The following ZC3H4 variants were observed in gnomAD, a reference collection of about 807,000 sequenced individuals.
ZC3H4 encodes zinc finger CCCH domain-containing protein 4.
ZC3H4 carries 13 observed loss-of-function variants against 108.3 expected under a neutral mutation model. The ratio of observed to expected loss-of-function variants is 0.12; its 90% CI spans 0.08 to 0.19. The LOEUF (loss-of-function observed/expected upper bound fraction) is 0.19. Ranked by LOEUF, ZC3H4 falls within the 10% of genes least tolerant of loss-of-function variation. ZC3H4 has a pLI of 1.00. For synonymous variants in ZC3H4, 917 were observed against 749.6 expected (o/e 1.22, Z -3.65); for missense variants, 1,734 against 1,838.8 (o/e 0.94, Z 1.04).
At chr19:47,105,762 A>G (rs1024244825) in intron 2 of ZC3H4, among the ~76,000 whole-genome samples, 5 of 152,146 alleles carry the variant, frequency 3.3e-5, no homozygotes, top group South Asian at 2.1e-4. Context: ...CTCCCAAACA[A>G]AAGTTTCCAG....
Position 47,092,847 on chromosome 19 carries a change from T to TAAAC in ZC3H4, c.492+1119_492+1122dup, listed in dbSNP as rs541273381. On this transcript the variant is annotated intron_variant, in intron 4 of 14. Coordinates refer to ENST00000253048, the MANE Select transcript of ZC3H4 (RefSeq NM_015168.2). ...ATAAATAAATAAATAAATAAATAAA[T>TAAAC]AAACAAACAAGACAAAACATTTCTC... Among the ~76,000 whole-genome samples, 456 of 150,150 alleles carry TAAAC rather than the reference T, an allele frequency of 3.0e-3. 4 individuals are homozygous for TAAAC. Among genetic ancestry groups the TAAAC allele is most frequent in the East Asian group, 0.016 (82 of 5,112 alleles).
At position 47,112,450 on chromosome 19, in the gene ZC3H4, G is replaced by T. The variant is rs897296961; in HGVS notation, c.135C>A (p.His45Gln). 8.1e-7 allele frequency: 1 copy of T among 1,236,066 alleles called. No homozygotes were observed. The allele number at this position is 1,236,066 out of a possible 1,614,324, so 76.6% of individuals were successfully genotyped here. A position where few individuals can be genotyped will look rare whatever the true frequency, so the allele number is the denominator to read the frequency against. Residue 45 changes from histidine (H) to glutamine (Q), a missense_variant, in exon 2 of 15, where the codon CAC (histidine) becomes CAA (glutamine). Physicochemically the swap from His to Gln is conservative, Grantham distance 24. Around this residue, in one of 9 missense-constraint regions of ZC3H4, gnomAD observed 112 missense variants for 73.3 expected, o/e 1.53. Transcript: ENST00000253048. ...TGTCGTCAGGGAGCGGGAGGCGGTG[G>T]TGGAGGAGGTGCGGGGTGGCCGGGC... ...DARPATPHLL[H>Q]HRLPLPDDRE...
chr19:47,090,288 T>G lies in ZC3H4; in HGVS notation c.493-99A>C, dbSNP rs2057709208. ...GGTTCCCTAAACGAACATGTCTGTCTGGGTGTCACTACTGTCCCAGGGTTG... is the reference window on the plus strand; with the variant it reads ...GGTTCCCTAAACGAACATGTCTGTCGGGGTGTCACTACTGTCCCAGGGTTG... On this transcript the variant is annotated intron_variant, in intron 4 of 14. Coordinates refer to ENST00000253048, the MANE Select transcript of ZC3H4 (RefSeq NM_015168.2). The G allele has an allele frequency of 2.3e-6, 3 of 1,308,272 alleles. No homozygotes were observed. In the African/African-American group the frequency reaches 4.3e-5, roughly 19 times the overall value. The allele number at this position is 1,308,272 out of a possible 1,614,324, so 81.0% of individuals were successfully genotyped here. A position where few individuals can be genotyped will look rare whatever the true frequency, so the allele number is the denominator to read the frequency against.
chr19:47,085,650 G>A (rs528363511), intron 6 of ZC3H4, among the ~76,000 whole-genome samples: 4 of 152,172 alleles, frequency 2.6e-5, no homozygotes, highest in Non-Finnish European at 5.9e-5. Context: ...ACACATCACT[G>A]TGGGGCTCTA....
At chr19:47,089,941 G>T in intron 5 of ZC3H4, 26 bp downstream of exon 5, 1 of 1,613,226 alleles carries the variant, frequency 6.2e-7, no homozygotes, top group Non-Finnish European at 8.5e-7. Context: ...ATGCCCCAGA[G>T]GAGAAACTGT....
chr19:47,096,731 C>T (rs2057826955), intron 2 of ZC3H4: 1 of 892,126 alleles, frequency 1.1e-6, no homozygotes, highest in Non-Finnish European at 1.3e-6. Context: ...AGGGATAAAG[C>T]TGAGAGGGAC....
At chr19:47,101,941 G>C (rs1445482286) in intron 2 of ZC3H4, among the ~76,000 whole-genome samples, 1 of 152,104 alleles carries the variant, frequency 6.6e-6, no homozygotes, top group Non-Finnish European at 1.5e-5. Flanking sequence ...GACTGAGGCA[G>C]GAGAATTGCT....
chr19:47,069,990 T>G (rs1289064826), intron 13 of ZC3H4, among the ~76,000 whole-genome samples: 1 of 152,116 alleles, frequency 6.6e-6, no homozygotes, highest in Non-Finnish European at 1.5e-5. Context: ...ACTCCCCCAG[T>G]GCCTGAGCCA....
rs375563795 is a variant in ZC3H4, at chr19:47,067,500, G to C, written c.2768C>G (p.Thr923Arg). The part of the protein sequence containing the change: ...SSSKGSGPPP[T>R]EEEEGERALR... ...GGCCCGCTCCCCTTCCTCCTCCTCC[G>C]TTGGGGGCGGCCCAGACCCCTTGGA... Residue 923 changes from threonine to arginine, a missense_variant, in exon 15 of 15, where the codon ACG becomes AGG. By Grantham distance (71) the Thr-to-Arg change is moderately conservative. This residue lies in a region of ZC3H4 where 540 missense variants were observed against 484.1 expected (regional missense o/e 1.12). Coordinates refer to ENST00000253048, the MANE Select transcript of ZC3H4 (RefSeq NM_015168.2). The surrounding 1 kb of genome is among the most constrained non-coding windows in gnomAD (Gnocchi z 6.4). 1.3e-6 allele frequency: 2 copies of C among 1,585,470 alleles called. No individual in the cohort carries two copies. The highest frequency in any genetic ancestry group is 4.5e-5 in the East Asian group (2 of 44,552).
rs749272920 is a variant in ZC3H4, at chr19:47,067,341, G to A, written c.2927C>T (p.Thr976Ile). The change falls in exon 15 of 15, where the codon ACC becomes ATC. Residue 976 changes from threonine (T) to isoleucine (I), a missense_variant. This residue lies in a region of ZC3H4 where 518 missense variants were observed against 499.6 expected (regional missense o/e 1.04). Transcript: ENST00000253048. This position sits in a 1 kb window ranked among gnomAD's most constrained non-coding sequence, Gnocchi z 6.4. ...VTLSKPSFAR[T>I]VLWNPEDLIP... is the part of the protein sequence containing the mutation. ...CAGGTCCTCGGGATTCCAGAGCACG[G>A]TGCGGGCGAAGCTGGGCTTGCTCAG... 5.0e-6 allele frequency: 8 copies of A among 1,602,822 alleles called. No homozygotes were observed. The highest frequency in any genetic ancestry group is 4.5e-5 in the South Asian group (4 of 89,612).
chr19:47,067,947 C>T lies in ZC3H4; in HGVS notation c.2399-78G>A. On this transcript the variant is annotated intron_variant, in intron 14 of 14. Transcript: ENST00000253048. The surrounding 1 kb of genome is among the most constrained non-coding windows in gnomAD (Gnocchi z 6.4). ...CCCTCTTGGATCCCACAGCAGCCCA[C>T]CGTGAGCAGCTCCTTTGCTTGTGCC... is the stretch of plus-strand genomic sequence containing the variant. 2.2e-6 allele frequency: 3 copies of T among 1,356,376 alleles called. No homozygotes were observed. The highest frequency in any genetic ancestry group is 2.0e-5 in the Admixed American group (1 of 49,528). 84.0% of individuals were successfully genotyped at this position (1,356,376 alleles called of 1,614,324 possible).
At position 47,112,421 on chromosome 19, in the gene ZC3H4, G is replaced by C. The variant is rs1468377590; in HGVS notation, c.161+3C>G. On this transcript the variant is annotated splice_donor_region_variant and intron_variant, in intron 2 of 14. Transcript: ENST00000253048. ...GCAGCCCCGGCCCAACCGGGGGCCTGACCTGTCGTCAGGGAGCGGGAGGCG... is the reference window on the plus strand; with the variant it reads ...GCAGCCCCGGCCCAACCGGGGGCCTCACCTGTCGTCAGGGAGCGGGAGGCG... 1 of 1,235,028 alleles carries C rather than the reference G, an allele frequency of 8.1e-7. No homozygotes were observed. The highest frequency in any genetic ancestry group is 1.0e-6 in the Non-Finnish European group (1 of 987,834). The allele number at this position is 1,235,028 out of a possible 1,614,324, so 76.5% of individuals were successfully genotyped here.
intron 11 of ZC3H4, among the ~76,000 whole-genome samples, chr19:47,075,504 C>T (rs1400842212): frequency 6.6e-6 from 1 of 152,112 alleles, no homozygotes; most frequent in Non-Finnish European, 1.5e-5. Flanking sequence ...CCGCCAGTGT[C>T]ACCTCCTCAC....
chr19:47,084,847 T>C (rs1462518425), intron 8 of ZC3H4, among the ~76,000 whole-genome samples: 1 of 152,216 alleles, frequency 6.6e-6, no homozygotes, highest in Non-Finnish European at 1.5e-5. Flanking sequence ...GTGCTGCTAA[T>C]GACATGGTTT....
chr19:47,067,912 C>T lies in ZC3H4; in HGVS notation c.2399-43G>A. The T allele has an allele frequency of 2.0e-6, 3 of 1,527,956 alleles. No homozygotes were observed. Among genetic ancestry groups the T allele is most frequent in the Non-Finnish European group, 2.6e-6 (3 of 1,136,826 alleles). The allele number at this position is 1,527,956 out of a possible 1,614,324, so 94.6% of individuals were successfully genotyped here. On this transcript the variant is annotated intron_variant, in intron 14 of 14. Coordinates refer to ENST00000253048, the MANE Select transcript of ZC3H4 (RefSeq NM_015168.2). The surrounding 1 kb of genome is among the most constrained non-coding windows in gnomAD (Gnocchi z 6.4). Reference sequence around the variant, plus strand: ...AGCAGGGAGGGGTGAGTGGGCGCATCCACCACCCGCCCTCTTGGATCCCAC... The same window carrying T: ...AGCAGGGAGGGGTGAGTGGGCGCATTCACCACCCGCCCTCTTGGATCCCAC...
In ZC3H4 at chr19:47,083,413, T is replaced by C. The variant is rs145665230; in HGVS notation, c.1218+932A>G. ...ATGTATTTCAAGTTTCTCAACAGAA[T>C]AGAAATTGTAACTAAATAAGAAATA... On this transcript the variant is annotated intron_variant, in intron 9 of 14. Transcript: ENST00000253048. 2.2e-3 allele frequency among the ~76,000 whole-genome samples: 329 copies of C among 151,896 alleles called. 1 individual carries two copies. Among genetic ancestry groups the C allele is most frequent in the African/African-American group, 7.6e-3 (316 of 41,452 alleles).
In ZC3H4 at chr19:47,072,025, G is replaced by A; in HGVS notation, c.1899C>T (p.His633=). 2 of 1,589,822 alleles carry A rather than the reference G, an allele frequency of 1.3e-6. No homozygotes were observed. The highest frequency in any genetic ancestry group is 1.7e-6 in the Non-Finnish European group (2 of 1,167,828). The change falls in exon 13 of 15, where the codon CAC becomes CAT. Residue 633 remains histidine (H), a synonymous_variant. Transcript: ENST00000253048. This position sits in a 1 kb window ranked among gnomAD's most constrained non-coding sequence, Gnocchi z 5.6. Reference sequence around the variant, plus strand: ...GGTGCATGTCCGGGTGCATGTCGGGGTGCATGTCAGGATGCATTGGACCGC... The same window carrying A: ...GGTGCATGTCCGGGTGCATGTCGGGATGCATGTCAGGATGCATTGGACCGC... ...PMGGPMHPDM[H]PDMHPDMHPD...
chr19:47,111,761 G>C (rs1481880589), intron 2 of ZC3H4, among the ~76,000 whole-genome samples: 1 of 150,360 alleles, frequency 6.7e-6, no homozygotes, highest in African/African-American at 2.5e-5. Context: ...AAGTGCTATA[G>C]AGCACCCACC....
chr19:47,076,325 G>A (rs201357496), intron 11 of ZC3H4, among the ~76,000 whole-genome samples: 24 of 151,142 alleles, frequency 1.6e-4, no homozygotes, highest in South Asian at 6.3e-4. Flanking sequence ...GCGCGCGCGC[G>A]CACACACACA....
Sources: gnomAD v4.1 joint callset for allele counts (sites outside exome capture counted in the v4.1 genomes callset) on GRCh38, gnomAD v4.1.1 for gene constraint, gnomAD v4.1.1 regional missense constraint, Gnocchi (gnomAD v3.1) non-coding constraint, MANE v1.5 for transcripts, NCBI Gene and HGNC (gene_info 2026-07-23, HGNC 2026-07-21) for gene names.